UNC5D: variants seen among roughly 807,000 people sequenced by gnomAD.
UNC5D encodes netrin receptor UNC5D.
Under a neutral mutation model 105.4 loss-of-function variants are expected in UNC5D, and 39 were observed. That is an observed-to-expected ratio of 0.37 (90% CI 0.29 to 0.48). The LOEUF (loss-of-function observed/expected upper bound fraction) is 0.48. UNC5D is among the 20% of genes least tolerant of loss of function. UNC5D has a pLI of 0.98. For synonymous variants in UNC5D, 452 were observed against 450.4 expected (o/e 1.00, Z -0.04); for missense variants, 991 against 1,202.4 (o/e 0.82, Z 2.60).
At chr8:35,671,856 G>A (rs1315144612) in intron 4 of UNC5D, among the ~76,000 whole-genome samples, 1 of 151,756 alleles carries the variant, frequency 6.6e-6, no homozygotes, top group Non-Finnish European at 1.5e-5. Flanking sequence ...GAATACAGAT[G>A]CACTTTGCTG....
intron 3 of UNC5D, among the ~76,000 whole-genome samples, chr8:35,575,803 A>T (rs1818050472): frequency 6.6e-6 from 1 of 152,154 alleles, no homozygotes; most frequent in Admixed American, 6.5e-5. Context: ...ATATATAGGA[A>T]TACTATTGCA....
At chr8:35,464,163 C>T (rs1213098705) in intron 1 of UNC5D, among the ~76,000 whole-genome samples, 1 of 152,036 alleles carries the variant, frequency 6.6e-6, no homozygotes, top group African/African-American at 2.4e-5. Flanking sequence ...CCCATCTCTA[C>T]TAAAAGCACA....
chr8:35,270,212 A>G (rs1404482693), intron 1 of UNC5D, among the ~76,000 whole-genome samples: 1 of 152,168 alleles, frequency 6.6e-6, no homozygotes, highest in Non-Finnish European at 1.5e-5. Flanking sequence ...TTTCATTTTT[A>G]AACGGTCACC....
chr8:35,659,380 G>C (rs1823978679), intron 4 of UNC5D, among the ~76,000 whole-genome samples: 1 of 152,148 alleles, frequency 6.6e-6, no homozygotes, highest in Non-Finnish European at 1.5e-5. Context: ...GAAGACTTAT[G>C]TATTTGATTA....
At position 35,269,679 on chromosome 8, in the gene UNC5D, T is replaced by C. The variant is rs192127363; in HGVS notation, c.103+33792T>C. Among the ~76,000 whole-genome samples the C allele has an allele frequency of 6.0e-4, 91 of 152,322 alleles. 1 individual carries two copies. The highest frequency in any genetic ancestry group is 4.6e-3 in the Admixed American group (71 of 15,302). The stretch of plus-strand genomic sequence containing the variant: ...CATATTCTCTTCCAGTTTCTCCTAC[T>C]GCTGTGCTGATATTCAGCCTCCCAT... On this transcript the variant is annotated intron_variant, in intron 1 of 16. Coordinates refer to ENST00000404895, the MANE Select transcript of UNC5D (RefSeq NM_080872.4).
At chr8:35,765,896 T>TA (rs1782778406) in intron 14 of UNC5D, among the ~76,000 whole-genome samples, 1 of 151,998 alleles carries the variant, frequency 6.6e-6, no homozygotes, top group Non-Finnish European at 1.5e-5. Context: ...AGGTGAGAAA[T>TA]AGAGAAAAAA....
At chr8:35,787,216 T>A (rs1802786143) in intron 16 of UNC5D, among the ~76,000 whole-genome samples, 1 of 152,192 alleles carries the variant, frequency 6.6e-6, no homozygotes, top group African/African-American at 2.4e-5. Context: ...AAGATTCTAG[T>A]CATTCCCATA....
At chr8:35,274,010 T>A (rs970388647) in intron 1 of UNC5D, among the ~76,000 whole-genome samples, 1 of 151,964 alleles carries the variant, frequency 6.6e-6, no homozygotes, top group Admixed American at 6.6e-5. Context: ...TTTTTTTTTT[T>A]AAACTTTCTC....
intron 1 of UNC5D, among the ~76,000 whole-genome samples, chr8:35,339,909 A>G (rs1423100081): frequency 9.2e-5 from 14 of 152,222 alleles, no homozygotes; most frequent in Admixed American, 9.2e-4. Flanking sequence ...TGAGGGTCCC[A>G]GGAGCCTGGG....
At chr8:35,463,695 C>T (rs954208166) in intron 1 of UNC5D, among the ~76,000 whole-genome samples, 66 of 149,860 alleles carry the variant, frequency 4.4e-4, no homozygotes, top group Middle Eastern at 3.4e-3. Flanking sequence ...CTGAGGTATT[C>T]GGATCACTTG....
At chr8:35,673,629 G>A (rs1418796943) in intron 4 of UNC5D, among the ~76,000 whole-genome samples, 1 of 152,080 alleles carries the variant, frequency 6.6e-6, no homozygotes. Context: ...ATAAGATAGT[G>A]TATTGAATGA....
intron 1 of UNC5D, among the ~76,000 whole-genome samples, chr8:35,529,535 C>T (rs1371296335): frequency 1.5e-5 from 2 of 131,428 alleles, no homozygotes; most frequent in African/African-American, 6.1e-5. Context: ...GATGCGGGCT[C>T]TTTTTTGGTT....
chr8:35,614,377 T>TG (rs1332232456), intron 4 of UNC5D, among the ~76,000 whole-genome samples: 1 of 152,160 alleles, frequency 6.6e-6, no homozygotes, highest in African/African-American at 2.4e-5. Flanking sequence ...AAAGGTTAAG[T>TG]GGGGGTGTCC....
intron 8 of UNC5D, among the ~76,000 whole-genome samples, chr8:35,708,102 A>G (rs1827708757): frequency 6.6e-6 from 1 of 152,198 alleles, no homozygotes; most frequent in Non-Finnish European, 1.5e-5. Flanking sequence ...TATGAAGATA[A>G]TTGAGAAACA....
chr8:35,308,853 G>GA lies in UNC5D; in HGVS notation c.103+72976dup, dbSNP rs200727096. On this transcript the variant is annotated intron_variant, in intron 1 of 16. Transcript: ENST00000404895. ...CTTGCCATGGTAAATTCTGTAAATT[G>GA]AAAAAAAAAATTATGATTATTCCAT... Among the ~76,000 whole-genome samples, 359 of 149,580 alleles carry GA rather than the reference G, an allele frequency of 2.4e-3. 1 individual carries two copies. Among genetic ancestry groups the GA allele is most frequent in the African/African-American group, 5.4e-3 (221 of 40,870 alleles).
At chr8:35,716,269 C>A (rs553461235) in intron 8 of UNC5D, among the ~76,000 whole-genome samples, 4 of 152,258 alleles carry the variant, frequency 2.6e-5, no homozygotes, top group African/African-American at 9.6e-5. Context: ...ATATATAATA[C>A]CTACCTCATA....
chr8:35,575,327 A>G (rs185462496), intron 3 of UNC5D, among the ~76,000 whole-genome samples: 4 of 152,314 alleles, frequency 2.6e-5, no homozygotes, highest in African/African-American at 9.6e-5. Context: ...AGTGTAGGAT[A>G]TGGCTCTAGA....
chr8:35,504,770 A>C (rs1290352830), intron 1 of UNC5D, among the ~76,000 whole-genome samples: 1 of 149,886 alleles, frequency 6.7e-6, no homozygotes, highest in Non-Finnish European at 1.5e-5. Context: ...GAACTCAGGC[A>C]TCTGAATTCT....
rs192674285 is a variant in UNC5D, at chr8:35,625,213, T to C, written c.570+29556T>C. ...GAGGTTGGTACAGTATTATAAAATATCTTTAAAACTCTATCACTTGAAAAA... is the reference window on the plus strand; with the variant it reads ...GAGGTTGGTACAGTATTATAAAATACCTTTAAAACTCTATCACTTGAAAAA... On this transcript the variant is annotated intron_variant, in intron 4 of 16. Transcript: ENST00000404895. Among the ~76,000 whole-genome samples, 380 of 152,340 alleles carry C rather than the reference T, an allele frequency of 2.5e-3. 2 individuals carry two copies. The highest frequency in any genetic ancestry group is 3.2e-3 in the Non-Finnish European group (221 of 68,030).
Sources: gnomAD v4.1 joint callset for allele counts (sites outside exome capture counted in the v4.1 genomes callset) on GRCh38, gnomAD v4.1.1 for gene constraint, MANE v1.5 for transcripts, NCBI Gene and HGNC (gene_info 2026-07-23, HGNC 2026-07-21) for gene names.